MEF2A: variants seen among roughly 807,000 people sequenced by gnomAD.
MEF2A encodes the protein myocyte enhancer factor 2A.
A neutral mutation model predicts 55.8 loss-of-function variants in MEF2A; 28 were observed. The observed-to-expected ratio is 0.50, with a 90% CI of 0.37 to 0.69. MEF2A has a LOEUF of 0.69. Among genes scored for constraint, MEF2A ranks in the 30% least tolerant of loss-of-function variants. MEF2A has a pLI of 0.00. For synonymous variants in MEF2A, 239 were observed against 227.1 expected, an observed-to-expected ratio of 1.05 and a Z score of -0.47; for missense variants, 528 against 626.2, an observed-to-expected ratio of 0.84 and a Z score of 1.67.
Position 99,690,751 on chromosome 15 carries a change from T to C in MEF2A, c.858+323T>C, listed in dbSNP as rs936527690. The C allele has an allele frequency of 1.5e-3, 663 of 453,992 alleles. 6 individuals carry two copies. Among genetic ancestry groups the C allele is most frequent in the Middle Eastern group, 9.8e-3 (14 of 1,422 alleles). The allele number at this position is 453,992 out of a possible 1,614,324, so 28.1% of individuals were successfully genotyped here. ...CTCACTCATGTGGGACCTAAAAAAA[T>C]TGGTCTTGTGGAGATAGAGAATAGA... On this transcript the variant is annotated intron_variant, in intron 8 of 11. Transcript: ENST00000557942.
At chr15:99,703,238 A>T in intron 8 of MEF2A, 124 bp from the exon 9 acceptor site, 2 of 815,732 alleles carry the variant, frequency 2.5e-6, no homozygotes, top group East Asian at 2.7e-5. Context: ...TTGTGTATAT[A>T]ATCGTCTCTT....
chr15:99,621,457 T>A (rs1269605352), intron 2 of MEF2A, among the ~76,000 whole-genome samples: 1 of 152,246 alleles, frequency 6.6e-6, no homozygotes, highest in African/African-American at 2.4e-5. Flanking sequence ...AAATACTAAA[T>A]TTTTAAATGT....
intron 4 of MEF2A, among the ~76,000 whole-genome samples, chr15:99,650,396 C>T (rs2046666136): frequency 6.6e-6 from 1 of 152,156 alleles, no homozygotes; most frequent in African/African-American, 2.4e-5. Context: ...AATAAGTTTT[C>T]CTCAGTAATG....
intron 3 of MEF2A, among the ~76,000 whole-genome samples, chr15:99,634,223 GC>G (rs1404917636): frequency 6.6e-6 from 1 of 152,170 alleles, no homozygotes; most frequent in Non-Finnish European, 1.5e-5. Context: ...CAACTGAGCA[GC>G]CTGTAAGGAA....
At chr15:99,587,740 A>G (rs1470442663) in intron 1 of MEF2A, among the ~76,000 whole-genome samples, 1 of 152,190 alleles carries the variant, frequency 6.6e-6, no homozygotes, top group Non-Finnish European at 1.5e-5. Context: ...TTACATTTTC[A>G]TTACAAATAT....
chr15:99,649,939 T>C (rs1275316185), intron 4 of MEF2A, among the ~76,000 whole-genome samples: 1 of 152,174 alleles, frequency 6.6e-6, no homozygotes, highest in Non-Finnish European at 1.5e-5. Context: ...CTTATAATTT[T>C]TTAAAAATAG....
intron 3 of MEF2A, among the ~76,000 whole-genome samples, chr15:99,635,516 G>C (rs2043643368): frequency 6.6e-6 from 1 of 152,132 alleles, no homozygotes; most frequent in African/African-American, 2.4e-5. Context: ...GTGGTTCAGT[G>C]AATTTTTGCA....
At chr15:99,613,797 CG>C (rs1022735034) in intron 2 of MEF2A, among the ~76,000 whole-genome samples, 6 of 152,134 alleles carry the variant, frequency 3.9e-5, no homozygotes, top group African/African-American at 9.7e-5. Flanking sequence ...TGCCTTTTAA[CG>C]GGGAACGTAT....
chr15:99,652,451 G>A (rs375821819), intron 4 of MEF2A, among the ~76,000 whole-genome samples: 11 of 152,240 alleles, frequency 7.2e-5, no homozygotes, highest in African/African-American at 2.2e-4. Flanking sequence ...CTGTGGCCCC[G>A]GGGGTTAGGG....
intron 7 of MEF2A, among the ~76,000 whole-genome samples, chr15:99,676,858 A>T (rs1019354683): frequency 6.6e-6 from 1 of 152,130 alleles, no homozygotes; most frequent in African/African-American, 2.4e-5. Flanking sequence ...GATCGTAGTG[A>T]TTAGAAATTA....
chr15:99,627,939 T>G (rs568342267), intron 2 of MEF2A, among the ~76,000 whole-genome samples: 58 of 152,322 alleles, frequency 3.8e-4, no homozygotes, highest in African/African-American at 1.3e-3. Flanking sequence ...TAATTTACTA[T>G]AAAAGGGGAT....
chr15:99,593,957 A>G (rs1596338702), intron 1 of MEF2A, among the ~76,000 whole-genome samples: 1 of 152,246 alleles, frequency 6.6e-6, no homozygotes, highest in African/African-American at 2.4e-5. Context: ...ACTCTTTCAC[A>G]CACCACTCAC....
chr15:99,600,680 T>G (rs1972670509), intron 2 of MEF2A, among the ~76,000 whole-genome samples: 2 of 152,170 alleles, frequency 1.3e-5, no homozygotes, highest in Non-Finnish European at 2.9e-5. Context: ...CCTGTTGAAT[T>G]ATCATGGCAC....
At chr15:99,610,553 C>G (rs1010982429) in intron 2 of MEF2A, among the ~76,000 whole-genome samples, 6 of 151,854 alleles carry the variant, frequency 4.0e-5, no homozygotes, top group African/African-American at 7.2e-5. Flanking sequence ...TGAGAATTTA[C>G]TACAAAGCTA....
chr15:99,688,378 AG>A (rs1429694725), intron 7 of MEF2A, among the ~76,000 whole-genome samples: 1 of 152,250 alleles, frequency 6.6e-6, no homozygotes, highest in African/African-American at 2.4e-5. Flanking sequence ...TGGTTTAATC[AG>A]GGATTTTACA....
At chr15:99,578,327 T>A (rs1472753436) in intron 1 of MEF2A, among the ~76,000 whole-genome samples, 1 of 152,260 alleles carries the variant, frequency 6.6e-6, no homozygotes, top group Non-Finnish European at 1.5e-5. Flanking sequence ...TCTGATGCTG[T>A]TGCTTATGTT....
chr15:99,654,056 A>T (rs1769339193), intron 4 of MEF2A, among the ~76,000 whole-genome samples: 2 of 152,154 alleles, frequency 1.3e-5, no homozygotes, highest in South Asian at 2.1e-4. Context: ...CCATAATATT[A>T]TATAATTAAA....
chr15:99,688,340 G>C (rs1230803980), intron 7 of MEF2A, among the ~76,000 whole-genome samples: 1 of 152,224 alleles, frequency 6.6e-6, no homozygotes, highest in Non-Finnish European at 1.5e-5. Context: ...GTAACCGAAA[G>C]ATCCAGAAGT....
intron 2 of MEF2A, among the ~76,000 whole-genome samples, chr15:99,608,001 G>A (rs939515412): frequency 2.0e-5 from 3 of 152,102 alleles, no homozygotes; most frequent in African/African-American, 7.2e-5. Flanking sequence ...GGTAGTAGAA[G>A]ACATGAATCA....
Sources: allele counts gnomAD v4.1 joint callset (sites outside exome capture counted in the v4.1 genomes callset), GRCh38; gene constraint gnomAD v4.1.1; transcripts MANE v1.5; gene names NCBI Gene and HGNC (gene_info 2026-07-23, HGNC 2026-07-21).